Variants in HEMK2 observed in about 807,000 individuals in gnomAD.
The protein encoded by HEMK2 is HemK methyltransferase 2, ETF1 glutamine and histone H4 lysine.
At chr21:28,670,999 A>G in the HEMK2 span, 1 of 152,220 alleles carries the variant, frequency 6.6e-6, no homozygotes, top group African/African-American at 2.4e-5. Flanking sequence ...GAGTCAAACT[A>G]TATCAAAGAA....
the HEMK2 span, among the ~76,000 whole-genome samples, chr21:28,869,803 A>C: frequency 6.6e-6 from 1 of 152,252 alleles, no homozygotes; most frequent in African/African-American, 2.4e-5. Flanking sequence ...TGTGTCACTA[A>C]TAAAGAACTT....
chr21:28,837,433 T>C, the HEMK2 span, among the ~76,000 whole-genome samples: 1 of 152,192 alleles, frequency 6.6e-6, no homozygotes, highest in East Asian at 1.9e-4. Context: ...AATAGCCTGC[T>C]CCTTAATGAG....
chr21:28,836,445 C>T, the HEMK2 span, among the ~76,000 whole-genome samples: 4 of 151,858 alleles, frequency 2.6e-5, no homozygotes, highest in African/African-American at 7.3e-5. Context: ...TAAGAGAATT[C>T]GCCATTACCA....
At chr21:28,800,903 A>T in the HEMK2 span, among the ~76,000 whole-genome samples, 1 of 152,240 alleles carries the variant, frequency 6.6e-6, no homozygotes, top group East Asian at 1.9e-4. Flanking sequence ...TGTGGGGCCC[A>T]TCATTGACTA....
chr21:28,593,317 T>C, the HEMK2 span, among the ~76,000 whole-genome samples: 1 of 152,254 alleles, frequency 6.6e-6, no homozygotes. Context: ...ATTATGTGCA[T>C]GCAAATATTC....
chr21:28,852,705 T>C, the HEMK2 span, among the ~76,000 whole-genome samples: 1 of 152,246 alleles, frequency 6.6e-6, no homozygotes, highest in South Asian at 2.1e-4. Flanking sequence ...CTGAAATTGA[T>C]TGACGGGCCA....
chr21:28,781,531 C>T, the HEMK2 span, among the ~76,000 whole-genome samples: 6 of 152,188 alleles, frequency 3.9e-5, no homozygotes, highest in Non-Finnish European at 8.8e-5. Context: ...TACAGTAATA[C>T]TACAGTGAAA....
the HEMK2 span, among the ~76,000 whole-genome samples, chr21:28,600,663 TTTTTC>T: frequency 6.6e-6 from 1 of 152,110 alleles, no homozygotes; most frequent in African/African-American, 2.4e-5. Context: ...AGAAAATGGG[TTTTTC>T]TTTTCTATCT....
At chr21:28,686,622 T>A in the HEMK2 span, among the ~76,000 whole-genome samples, 1 of 152,202 alleles carries the variant, frequency 6.6e-6, no homozygotes, top group South Asian at 2.1e-4. Context: ...CAAGAAAGCA[T>A]AAAAGAGTTT....
At chr21:28,741,345 T>C in the HEMK2 span, among the ~76,000 whole-genome samples, 8 of 152,130 alleles carry the variant, frequency 5.3e-5, no homozygotes, top group East Asian at 1.9e-4. Flanking sequence ...AGAGAGAAAA[T>C]GTGTGTATTA....
At chr21:28,740,325 A>C in the HEMK2 span, among the ~76,000 whole-genome samples, 67 of 152,314 alleles carry the variant, frequency 4.4e-4, no homozygotes, top group African/African-American at 1.5e-3. Context: ...ACATGAACAT[A>C]GACAAAGTCC....
At chr21:28,579,499 T>C in the HEMK2 span, among the ~76,000 whole-genome samples, 1 of 152,144 alleles carries the variant, frequency 6.6e-6, no homozygotes, top group Non-Finnish European at 1.5e-5. Flanking sequence ...CAACCATGCT[T>C]TAAATAAACC....
the HEMK2 span, among the ~76,000 whole-genome samples, chr21:28,863,637 A>G: frequency 4.1e-4 from 62 of 151,634 alleles, no homozygotes; most frequent in Non-Finnish European, 6.6e-4. Context: ...AGAAGGAAAA[A>G]GCCCTTACGT....
chr21:28,789,698 T>G, the HEMK2 span, among the ~76,000 whole-genome samples: 1 of 152,148 alleles, frequency 6.6e-6, no homozygotes, highest in African/African-American at 2.4e-5. Context: ...GAGAAAGTCT[T>G]GCAAGCAACA....
chr21:28,581,195 T>G, the HEMK2 span, among the ~76,000 whole-genome samples: 4 of 151,824 alleles, frequency 2.6e-5, no homozygotes, highest in Non-Finnish European at 5.9e-5. Flanking sequence ...GTGGAGTGGA[T>G]TCATTATCAG....
the HEMK2 span, among the ~76,000 whole-genome samples, chr21:28,716,099 C>G: frequency 1.4e-5 from 2 of 148,022 alleles, no homozygotes; most frequent in Non-Finnish European, 3.0e-5. Context: ...TATTCGTTTG[C>G]TTAGGATTTC....
the HEMK2 span, among the ~76,000 whole-genome samples, chr21:28,808,204 G>A: frequency 6.6e-6 from 1 of 152,114 alleles, no homozygotes; most frequent in African/African-American, 2.4e-5. Context: ...AAACTCCCAT[G>A]AGGAGTACTG....
At chr21:28,823,216 T>C in the HEMK2 span, among the ~76,000 whole-genome samples, 2 of 152,150 alleles carry the variant, frequency 1.3e-5, no homozygotes, top group African/African-American at 4.8e-5. Flanking sequence ...ACTGCCAAGT[T>C]GACAATTTTA....
At chr21:28,602,690 G>A in the HEMK2 span, among the ~76,000 whole-genome samples, 1 of 152,152 alleles carries the variant, frequency 6.6e-6, no homozygotes, top group Non-Finnish European at 1.5e-5. Flanking sequence ...GCCAATAGAG[G>A]GTAAAAGGAA....
Sources: allele counts gnomAD v4.1 joint callset (sites outside exome capture counted in the v4.1 genomes callset), GRCh38; gene constraint gnomAD v4.1.1; transcripts MANE v1.5; gene names NCBI Gene and HGNC (gene_info 2026-07-23, HGNC 2026-07-21).